Variants in MYH15 observed in about 807,000 individuals in gnomAD.
The protein encoded by MYH15 is myosin-15.
In MYH15, 227 loss-of-function variants were observed where a neutral mutation model predicts 240.5. That is an observed-to-expected ratio of 0.94 (90% CI 0.85 to 1.05). The LOEUF is 1.05. Ranked by LOEUF, MYH15 falls within the 50% of genes least tolerant of loss-of-function variation. The pLI is 0.00. For missense variants in MYH15, 2,217 were observed against 2,247.5 expected (o/e 0.99, Z 0.27); for synonymous variants, 785 against 796.7 (o/e 0.99, Z 0.25).
the MYH15 span, among the ~76,000 whole-genome samples, chr3:108,542,713 CCCA>C: frequency 2.0e-5 from 3 of 152,036 alleles, no homozygotes; most frequent in Non-Finnish European, 4.4e-5. Context: ...CCCACTCCTC[CCCA>C]CAACAGGCTC....
At position 108,466,696 on chromosome 3, in the gene MYH15, G is replaced by A. The variant is rs368800816; in HGVS notation, c.1555-1882C>T. On this transcript the variant is annotated intron_variant, in intron 14 of 40. Coordinates refer to ENST00000693548, the MANE Select transcript of MYH15 (RefSeq NM_014981.3). ...TCCTTCTGTAGGATTCTATTGTCAC[G>A]TCACCTATAATTACTACAAAGCCTG... Among the ~76,000 whole-genome samples, 30 of 152,152 alleles carry A rather than the reference G, an allele frequency of 2.0e-4. 3 individuals carry two copies. Among genetic ancestry groups the A allele is most frequent in the East Asian group, 1.3e-3 (7 of 5,186 alleles).
upstream of MYH15, among the ~76,000 whole-genome samples, chr3:108,512,842 C>T (rs2083531680): frequency 6.6e-6 from 1 of 151,958 alleles, no homozygotes; most frequent in African/African-American, 2.4e-5. Context: ...TAGGAGCAGG[C>T]ACTGGAAAGT....
intron 16 of MYH15, among the ~76,000 whole-genome samples, chr3:108,461,309 C>T (rs751387577): frequency 9.2e-5 from 14 of 152,064 alleles, no homozygotes; most frequent in Non-Finnish European, 1.9e-4. Context: ...TCAGTTTTTC[C>T]ATCTATGAAA....
chr3:108,433,871 A>G (rs936267), intron 25 of MYH15, among the ~76,000 whole-genome samples: 35,680 of 152,050 alleles, frequency 0.23, 4,765 homozygotes, highest in Non-Finnish European at 0.3. Context: ...AACTAATGTC[A>G]TACCCAATCC....
chr3:108,391,755 C>A lies in MYH15; in HGVS notation c.5430+5G>T. On this transcript the variant is annotated splice_donor_5th_base_variant and intron_variant, in intron 37 of 40. Coordinates refer to ENST00000693548, the MANE Select transcript of MYH15 (RefSeq NM_014981.3). The stretch of plus-strand genomic sequence containing the variant: ...TCAAGCCCTCATGATTACCCAGACT[C>A]CTACCCTGGATTCTAGTTTCTGGAT... 1 of 1,612,900 alleles carries A rather than the reference C, an allele frequency of 6.2e-7. No individual in the cohort carries two copies. The highest frequency in any genetic ancestry group is 1.7e-4 in the Middle Eastern group (1 of 6,052).
At position 108,439,702 on chromosome 3, in the gene MYH15, CAGAT is replaced by C. The variant is rs761077882; in HGVS notation, c.3075+31_3075+34del. ...AACTGGAGTTATGTGTATATGTAGA[CAGAT>C]AGATAACTAACCAGATACACCGTTA... On this transcript the variant is annotated intron_variant, in intron 24 of 40. Coordinates refer to ENST00000693548, the MANE Select transcript of MYH15 (RefSeq NM_014981.3). The C allele has an allele frequency of 2.7e-6, 4 of 1,490,492 alleles. No homozygotes were observed. In the South Asian group the frequency reaches 5.7e-5, roughly 21 times the overall value. 92.3% of individuals were successfully genotyped at this position (1,490,492 alleles called of 1,614,324 possible). A position where few individuals can be genotyped will look rare whatever the true frequency, so the allele number is the denominator to read the frequency against.
chr3:108,537,003 G>A, the MYH15 span, among the ~76,000 whole-genome samples: 1 of 152,174 alleles, frequency 6.6e-6, no homozygotes, highest in South Asian at 2.1e-4. Flanking sequence ...ACACTGGATA[G>A]TTCTCTTCAG....
chr3:108,455,693 C>T (rs527244157), intron 20 of MYH15, 43 bp downstream of exon 20: 4 of 1,602,544 alleles, frequency 2.5e-6, no homozygotes, highest in Middle Eastern at 1.7e-4. Context: ...ACAGTCTTCC[C>T]CCCATTCGTC....
the MYH15 span, chr3:108,550,897 T>C: frequency 4.3e-6 from 1 of 233,058 alleles, no homozygotes; most frequent in Non-Finnish European, 8.2e-6. Context: ...AGGTTAAAAA[T>C]GATTTTCTAA....
At chr3:108,528,710 A>C (rs958537965) in intron 1 of MYH15, among the ~76,000 whole-genome samples, 4 of 152,172 alleles carry the variant, frequency 2.6e-5, no homozygotes, top group Admixed American at 2.6e-4. Flanking sequence ...TGGAAAAGAG[A>C]GACGACTACA....
At chr3:108,545,526 C>G in the MYH15 span, among the ~76,000 whole-genome samples, 1 of 150,564 alleles carries the variant, frequency 6.6e-6, no homozygotes, top group African/African-American at 2.4e-5. Context: ...TAAATAAAAA[C>G]TTTCCTTAGG....
intron 21 of MYH15, among the ~76,000 whole-genome samples, chr3:108,446,070 C>A (rs1229130461): frequency 2.0e-5 from 3 of 152,124 alleles, no homozygotes; most frequent in Non-Finnish European, 2.9e-5. Context: ...TGCAAGCCTA[C>A]CCCCAGTGAC....
At chr3:108,468,277 T>C (rs143417505) in intron 14 of MYH15, among the ~76,000 whole-genome samples, 1 of 152,374 alleles carries the variant, frequency 6.6e-6, no homozygotes, top group Non-Finnish European at 1.5e-5. Flanking sequence ...ATATAGACTT[T>C]TTTGTAAACT....
At chr3:108,434,428 C>T (rs1238605199) in intron 25 of MYH15, among the ~76,000 whole-genome samples, 2 of 151,782 alleles carry the variant, frequency 1.3e-5, no homozygotes, top group African/African-American at 4.8e-5. Context: ...GTGATCTGCC[C>T]ACCTTCGCCT....
chr3:108,532,489 T>C (rs890410601), upstream of MYH15, among the ~76,000 whole-genome samples: 1 of 152,212 alleles, frequency 6.6e-6, no homozygotes, highest in Non-Finnish European at 1.5e-5. Flanking sequence ...GAACTTACAC[T>C]GTCAGATCTA....
chr3:108,410,889 C>T lies in MYH15; in HGVS notation c.4189G>A (p.Gly1397Arg), dbSNP rs757376618. 4 of 1,608,418 alleles carry T rather than the reference C, an allele frequency of 2.5e-6. No individual in the cohort carries two copies. In the East Asian group the frequency reaches 8.9e-5, roughly 36 times the overall value. ...IRLQEAAEAM[G>R]VANARNASLE... is the part of the protein sequence containing the mutation. ...GAGGCATTTCTGGCATTGGCCACCCCCATGGCTTCGGCTGCCTCCTGCAAT... is the reference window on the plus strand; with the variant it reads ...GAGGCATTTCTGGCATTGGCCACCCTCATGGCTTCGGCTGCCTCCTGCAAT... Residue 1397 changes from glycine (G) to arginine (R), a missense_variant, in exon 31 of 41, where the codon GGG becomes AGG. By Grantham distance (125) the Gly-to-Arg change is moderately radical (BLOSUM62 -2). Transcript: ENST00000693548.
intron 21 of MYH15, among the ~76,000 whole-genome samples, chr3:108,451,189 G>A (rs924286533): frequency 6.6e-5 from 10 of 152,090 alleles, no homozygotes; most frequent in African/African-American, 2.2e-4. Flanking sequence ...AGACCATCCT[G>A]CTCAAAATGG....
At chr3:108,480,348 T>C (rs1034671710) in intron 11 of MYH15, among the ~76,000 whole-genome samples, 4 of 152,192 alleles carry the variant, frequency 2.6e-5, no homozygotes, top group African/African-American at 9.6e-5. Context: ...AAGAAGAGGT[T>C]GTAACCCAGA....
At chr3:108,480,421 G>A (rs539746991) in intron 11 of MYH15, among the ~76,000 whole-genome samples, 10 of 152,296 alleles carry the variant, frequency 6.6e-5, no homozygotes, top group South Asian at 2.1e-4. Flanking sequence ...ACTTCTGGTC[G>A]CAGAAGACAT....
Sources: allele counts gnomAD v4.1 joint callset (sites outside exome capture counted in the v4.1 genomes callset), GRCh38; gene constraint gnomAD v4.1.1; transcripts MANE v1.5; gene names NCBI Gene and HGNC (gene_info 2026-07-23, HGNC 2026-07-21).